ARHGAP26: variants seen among roughly 807,000 people sequenced by gnomAD.
ARHGAP26 encodes the protein rho GTPase-activating protein 26.
Under a neutral mutation model 104.8 loss-of-function variants are expected in ARHGAP26, and 38 were observed. That is an observed-to-expected ratio of 0.36 (90% CI 0.28 to 0.48). ARHGAP26 has a LOEUF of 0.48. Ranked by LOEUF, ARHGAP26 falls within the 20% of genes least tolerant of loss-of-function variation. The pLI, the probability that ARHGAP26 is intolerant of heterozygous loss-of-function variation, is 0.99. For missense variants in ARHGAP26, 704 were observed against 947.9 expected, an observed-to-expected ratio of 0.74 and a Z score of 3.38; for synonymous variants, 341 against 340.0, an observed-to-expected ratio of 1.00 and a Z score of -0.03.
chr5:142,890,190 A>ATATG (rs1562024367), intron 5 of ARHGAP26, among the ~76,000 whole-genome samples: 1 of 127,152 alleles, frequency 7.9e-6, no homozygotes, highest in African/African-American at 2.9e-5. Context: ...ATATATATAT[A>ATATG]TATATATGAA....
At position 143,057,699 on chromosome 5, in the gene ARHGAP26, C is replaced by T. The variant is rs1338465482; in HGVS notation, c.1490C>T (p.Pro497Leu). ...SEIHSLVHRL[P>L]EKNRQMLQLL... ...ATCCACAGCCTTGTTCATCGGCTCCCAGAGAAAAATCGGCAGATGTTACAG... is the reference window on the plus strand; with the variant it reads ...ATCCACAGCCTTGTTCATCGGCTCCTAGAGAAAAATCGGCAGATGTTACAG... The change falls in exon 17 of 23, where the codon CCA (proline) becomes CTA (leucine). Residue 497 changes from proline (P) to leucine (L), a missense_variant. This residue lies in a region of ARHGAP26 where 287 missense variants were observed against 438.8 expected (regional missense o/e 0.65). Transcript: ENST00000645722. 6.2e-7 allele frequency: 1 copy of T among 1,613,954 alleles called. No individual in the cohort carries two copies. The highest frequency in any genetic ancestry group is 2.2e-5 in the East Asian group (1 of 44,884).
intron 17 of ARHGAP26, among the ~76,000 whole-genome samples, chr5:143,114,172 T>C (rs1795129166): frequency 6.6e-6 from 1 of 152,198 alleles, no homozygotes; most frequent in Non-Finnish European, 1.5e-5. Flanking sequence ...TAGATAACCA[T>C]TCCCAGGAAG....
chr5:142,812,769 C>T (rs1035177761), intron 1 of ARHGAP26, among the ~76,000 whole-genome samples: 2 of 152,086 alleles, frequency 1.3e-5, no homozygotes, highest in African/African-American at 2.4e-5. Context: ...AACTCCTGGG[C>T]TCAAGCAGTC....
At chr5:142,863,253 G>T (rs561072305) in intron 1 of ARHGAP26, among the ~76,000 whole-genome samples, 4 of 152,226 alleles carry the variant, frequency 2.6e-5, no homozygotes, top group Admixed American at 2.0e-4. Flanking sequence ...TGTGATTACA[G>T]GTGCCCACCA....
At chr5:143,096,361 A>T (rs1217751751) in intron 17 of ARHGAP26, among the ~76,000 whole-genome samples, 2 of 152,332 alleles carry the variant, frequency 1.3e-5, no homozygotes, top group East Asian at 1.9e-4. Flanking sequence ...GAAAGCATAA[A>T]TTTTATCATT....
intron 14 of ARHGAP26, among the ~76,000 whole-genome samples, chr5:143,052,746 C>G (rs62374604): frequency 2.6e-5 from 4 of 152,180 alleles, no homozygotes; most frequent in Non-Finnish European, 4.4e-5. Flanking sequence ...TATTTGGCCT[C>G]TTTCTATTTG....
At chr5:143,016,590 C>G (rs571727147) in intron 12 of ARHGAP26, among the ~76,000 whole-genome samples, 22 of 151,898 alleles carry the variant, frequency 1.4e-4, no homozygotes, top group African/African-American at 4.8e-4. Flanking sequence ...GTAATGCCAG[C>G]TACTCAGGAA....
rs116810738 is a variant in ARHGAP26 at position 142,855,412 on chromosome 5, C to T, written c.155-17988C>T. On this transcript the variant is annotated intron_variant, in intron 1 of 22. Transcript: ENST00000645722. ...TTTAGAGGTGCCACTTAAGGAGGCTCTCGTATCTTTTGCACTTTTGAGTTG... is the reference window on the plus strand; with the variant it reads ...TTTAGAGGTGCCACTTAAGGAGGCTTTCGTATCTTTTGCACTTTTGAGTTG... 1.5e-3 allele frequency among the ~76,000 whole-genome samples: 223 copies of T among 152,296 alleles called. 2 individuals carry two copies. The highest frequency in any genetic ancestry group is 4.9e-3 in the African/African-American group (204 of 41,570).
In ARHGAP26 at chr5:142,907,466, C is replaced by T. The variant is rs112085259; in HGVS notation, c.833-238C>T. On this transcript the variant is annotated intron_variant, in intron 8 of 22. Transcript: ENST00000645722. ...TTTTAAGACCCACTGGATGTAGCAT[C>T]AATGGGAAACAGTCTTCTTTGGTCC... 9.6e-3 allele frequency: 2,499 copies of T among 259,224 alleles called. 70 individuals are homozygous for T. Among genetic ancestry groups the T allele is most frequent in the African/African-American group, 0.052 (2,346 of 45,238 alleles). 16.1% of individuals were successfully genotyped at this position (259,224 alleles called of 1,614,324 possible). A position where few individuals can be genotyped will look rare whatever the true frequency, so the allele number is the denominator to read the frequency against.
intron 1 of ARHGAP26, among the ~76,000 whole-genome samples, chr5:142,828,660 A>G (rs1336761305): frequency 2.0e-5 from 3 of 152,248 alleles, no homozygotes; most frequent in Non-Finnish European, 4.4e-5. Context: ...GGCATCAACC[A>G]TGTGCAGGGT....
At chr5:143,060,140 G>T (rs927514241) in intron 17 of ARHGAP26, among the ~76,000 whole-genome samples, 1 of 152,172 alleles carries the variant, frequency 6.6e-6, no homozygotes, top group Non-Finnish European at 1.5e-5. Context: ...GTTTTCTCAG[G>T]TTTAGACTTA....
At chr5:143,090,133 G>A (rs1258857621) in intron 17 of ARHGAP26, among the ~76,000 whole-genome samples, 1 of 152,242 alleles carries the variant, frequency 6.6e-6, no homozygotes, top group Non-Finnish European at 1.5e-5. Context: ...GACGGAAGCT[G>A]GATGGCCCTT....
intron 14 of ARHGAP26, among the ~76,000 whole-genome samples, chr5:143,054,039 C>T (rs1374738874): frequency 6.6e-6 from 1 of 152,118 alleles, no homozygotes; most frequent in Non-Finnish European, 1.5e-5. Context: ...TCTGCTTTTG[C>T]AAAGAAGAGT....
rs778834142 is a variant in ARHGAP26 at position 143,207,235 on chromosome 5, T to C, written c.2026T>C (p.Ser676Pro). ...NPSPTSPLSPSWPMFSAPSSP... is the reference protein window; with the variant it reads ...NPSPTSPLSPPWPMFSAPSSP... ...AAGCCCAACTTCACCCCTCTCGCCA[T>C]CTTGGCCCATGTTCTCGGCGCCATC... The change falls in exon 21 of 23, where the codon TCT becomes CCT. Residue 676 changes from serine (S) to proline (P), a missense_variant. Transcript: ENST00000645722. 4.3e-6 allele frequency: 7 copies of C among 1,614,028 alleles called. No homozygotes were observed. In the African/African-American group the frequency reaches 5.3e-5, roughly 12 times the overall value.
intron 1 of ARHGAP26, among the ~76,000 whole-genome samples, chr5:142,829,721 C>G (rs1263168085): frequency 6.6e-6 from 1 of 152,186 alleles, no homozygotes; most frequent in African/African-American, 2.4e-5. Flanking sequence ...CCAGTGTCAC[C>G]TGGTCAAGCA....
chr5:143,114,975 G>C (rs1054640904), intron 17 of ARHGAP26, among the ~76,000 whole-genome samples: 4 of 152,102 alleles, frequency 2.6e-5, no homozygotes, highest in African/African-American at 9.7e-5. Flanking sequence ...TGGTGGCTTT[G>C]CTTTGGCTCC....
intron 15 of ARHGAP26, among the ~76,000 whole-genome samples, 184 bp downstream of exon 15, chr5:143,054,710 T>C (rs774819189): frequency 6.6e-6 from 1 of 152,224 alleles, no homozygotes; most frequent in Non-Finnish European, 1.5e-5. Context: ...AGTTGATGGG[T>C]TGCCTTTGTG....
At chr5:143,139,097 C>A (rs1232478941) in intron 19 of ARHGAP26, among the ~76,000 whole-genome samples, 1 of 152,184 alleles carries the variant, frequency 6.6e-6, no homozygotes, top group Non-Finnish European at 1.5e-5. Flanking sequence ...TTTCATTCAG[C>A]TGGGCATCTG....
chr5:142,998,801 A>G (rs1339571534), intron 11 of ARHGAP26, among the ~76,000 whole-genome samples: 1 of 152,188 alleles, frequency 6.6e-6, no homozygotes, highest in Non-Finnish European at 1.5e-5. Flanking sequence ...TGAAACAAGA[A>G]GGCAGAATAT....
Sources: gnomAD v4.1 joint callset for allele counts (sites outside exome capture counted in the v4.1 genomes callset) on GRCh38, gnomAD v4.1.1 for gene constraint, gnomAD v4.1.1 regional missense constraint, MANE v1.5 for transcripts, NCBI Gene and HGNC (gene_info 2026-07-23, HGNC 2026-07-21) for gene names.